The following SLC26A4 variants were observed in gnomAD, a reference collection of about 807,000 sequenced individuals.
SLC26A4 encodes solute carrier family 26 member 4.
SLC26A4 carries 93 observed loss-of-function variants against 90.4 expected under a neutral mutation model. The observed-to-expected ratio is 1.03, with a 90% confidence interval of 0.87 to 1.22. SLC26A4 has a LOEUF of 1.22. Among genes scored for constraint, SLC26A4 ranks in the 50% most tolerant of loss-of-function variants. The pLI, the probability that SLC26A4 is intolerant of heterozygous loss-of-function variation, is 0.00. For synonymous variants in SLC26A4, 393 were observed against 354.6 expected, an observed-to-expected ratio of 1.11 and a Z score of -1.22; for missense variants, 1,127 against 946.2, an observed-to-expected ratio of 1.19 and a Z score of -2.51.
Position 107,661,924 on chromosome 7 carries a change from G to GAGC in SLC26A4, c.164+119_164+120insAGC. 1 of 1,170,450 alleles carries GAGC rather than the reference G, an allele frequency of 8.5e-7. No homozygotes were observed. The highest frequency in any genetic ancestry group is 1.2e-6 in the Non-Finnish European group (1 of 852,882). The allele number at this position is 1,170,450 out of a possible 1,614,324, so 72.5% of individuals were successfully genotyped here. Reference sequence around the variant, plus strand: ...CGGGCGGCGGAGCCCCTGGGCGCCAGCTGCTTCTCCCAGAGGCCCGACTTT... The same window carrying GAGC: ...CGGGCGGCGGAGCCCCTGGGCGCCAGAGCCTGCTTCTCCCAGAGGCCCGACTTT... On this transcript the variant is annotated intron_variant, in intron 2 of 20. Coordinates refer to ENST00000644269, the MANE Select transcript of SLC26A4 (RefSeq NM_000441.2). This position sits in a 1 kb window ranked among gnomAD's most constrained non-coding sequence, Gnocchi z 5.1.
In SLC26A4 at chr7:107,698,119, C is replaced by A. The variant is rs370184422; in HGVS notation, c.1614+8C>A. 2 of 1,577,822 alleles carry A rather than the reference C, an allele frequency of 1.3e-6. No individual in the cohort carries two copies. The highest frequency in any genetic ancestry group is 1.1e-5 in the South Asian group (1 of 90,332). The stretch of plus-strand genomic sequence containing the variant: ...ACCAAGAATTACAAAAACGTAAGTA[C>A]CTTTGTGAGACATTTGCTGGACTTG... On this transcript the variant is annotated splice_region_variant and intron_variant, in intron 14 of 20. Transcript: ENST00000644269.
At chr7:107,671,007 T>C (rs183316981) in intron 3 of SLC26A4, among the ~76,000 whole-genome samples, 1 of 152,220 alleles carries the variant, frequency 6.6e-6, no homozygotes. Context: ...AATTATCATA[T>C]TTTTTCTTTG....
chr7:107,673,281 GA>G (rs968796859), intron 4 of SLC26A4, among the ~76,000 whole-genome samples: 28 of 150,526 alleles, frequency 1.9e-4, no homozygotes, highest in Middle Eastern at 3.4e-3. Context: ...AGCAATTGCT[GA>G]AAAAAAAATA....
intron 10 of SLC26A4, among the ~76,000 whole-genome samples, chr7:107,692,396 A>G (rs1426568995): frequency 6.6e-6 from 1 of 152,174 alleles, no homozygotes; most frequent in Non-Finnish European, 1.5e-5. Context: ...TTCAGCATCT[A>G]CAAAATGGAA....
At chr7:107,675,554 C>A (rs1360660590) in intron 6 of SLC26A4, among the ~76,000 whole-genome samples, 1 of 149,824 alleles carries the variant, frequency 6.7e-6, no homozygotes, top group Non-Finnish European at 1.5e-5. Context: ...CTGGGAGCAC[C>A]CACATTTCTT....
intron 17 of SLC26A4, among the ~76,000 whole-genome samples, chr7:107,703,677 G>A (rs1043610270): frequency 6.6e-6 from 1 of 152,200 alleles, no homozygotes; most frequent in Non-Finnish European, 1.5e-5. Context: ...TATAATGACA[G>A]TTATGATAGC....
chr7:107,699,785 T>C (rs1299465753), intron 14 of SLC26A4, among the ~76,000 whole-genome samples: 1 of 151,880 alleles, frequency 6.6e-6, no homozygotes, highest in Non-Finnish European at 1.5e-5. Flanking sequence ...AAAAATTAGC[T>C]GGGTGTGGTG....
Position 107,696,028 on chromosome 7 carries a change from G to A in SLC26A4, c.1533G>A (p.Leu511=), listed in dbSNP as rs745508336. 6.3e-7 allele frequency: 1 copy of A among 1,594,692 alleles called. No homozygotes were observed. Among genetic ancestry groups the A allele is most frequent in the Non-Finnish European group, 8.6e-7 (1 of 1,162,474 alleles). ...TATTTGGACTGTTGACTGTGGTCCTGAGAGTTCAGTTGTGAGTAACGTAAA... is the reference window on the plus strand; with the variant it reads ...TATTTGGACTGTTGACTGTGGTCCTAAGAGTTCAGTTGTGAGTAACGTAAA... The part of the protein sequence containing the change: ...GLIFGLLTVV[L]RVQFPSWNGL... Residue 511 remains leucine (L), a synonymous_variant, in exon 13 of 21, where the codon CTG becomes CTA. Coordinates refer to ENST00000644269, the MANE Select transcript of SLC26A4 (RefSeq NM_000441.2).
intron 14 of SLC26A4, 134 bp downstream of exon 14, chr7:107,698,245 A>C: frequency 1.4e-6 from 1 of 718,962 alleles, no homozygotes. Context: ...AGGGAGTGTC[A>C]TGAAAACTTT....
At chr7:107,662,312 G>A (rs533540331) in intron 2 of SLC26A4, among the ~76,000 whole-genome samples, 10 of 152,132 alleles carry the variant, frequency 6.6e-5, no homozygotes, top group African/African-American at 2.2e-4. Context: ...GGGACCCCTG[G>A]GGAAAGCCAC....
chr7:107,681,348 G>C (rs148972955), intron 6 of SLC26A4, among the ~76,000 whole-genome samples: 27 of 152,190 alleles, frequency 1.8e-4, no homozygotes, highest in African/African-American at 5.8e-4. Context: ...GTTCCAGAGA[G>C]CTGAGGTTGC....
chr7:107,703,797 A>G (rs796658984), intron 17 of SLC26A4, among the ~76,000 whole-genome samples: 38 of 152,272 alleles, frequency 2.5e-4, no homozygotes, highest in African/African-American at 8.9e-4. Context: ...TTGACTTTTT[A>G]AAATTAAATG....
At chr7:107,664,191 A>G (rs1253277460) in intron 3 of SLC26A4, among the ~76,000 whole-genome samples, 1 of 152,150 alleles carries the variant, frequency 6.6e-6, no homozygotes, top group Non-Finnish European at 1.5e-5. Flanking sequence ...AGCACATTAA[A>G]TTATTTTATA....
Position 107,696,027 on chromosome 7 carries a change from TGA to T in SLC26A4, c.1536_1537del (p.Arg512SerfsTer14), listed in dbSNP as rs1435734312. 5.0e-6 allele frequency: 8 copies of T among 1,596,372 alleles called. No homozygotes were observed. Among genetic ancestry groups the T allele is most frequent in the Non-Finnish European group, 6.9e-6 (8 of 1,164,010 alleles). ...ATATTTGGACTGTTGACTGTGGTCCTGAGAGTTCAGTTGTGAGTAACGTAAAA... is the reference window on the plus strand; with the variant it reads ...ATATTTGGACTGTTGACTGTGGTCCTGAGTTCAGTTGTGAGTAACGTAAAA... On this transcript the variant is annotated frameshift_variant, in exon 13 of 21. Coordinates refer to ENST00000644269, the MANE Select transcript of SLC26A4 (RefSeq NM_000441.2). LOFTEE classifies it high-confidence loss of function.
At chr7:107,702,370 A>T (rs914746698) in intron 17 of SLC26A4, among the ~76,000 whole-genome samples, 1 of 152,178 alleles carries the variant, frequency 6.6e-6, no homozygotes, top group African/African-American at 2.4e-5. Flanking sequence ...GGATTAAATA[A>T]GCTAATAGAT....
At chr7:107,675,236 T>C in intron 6 of SLC26A4, 127 bp downstream of exon 6, 2 of 763,610 alleles carry the variant, frequency 2.6e-6, no homozygotes, top group Non-Finnish European at 2.2e-6. Context: ...AAGGCCGAGG[T>C]GGGCAGATTG....
intron 3 of SLC26A4, among the ~76,000 whole-genome samples, chr7:107,665,738 T>A (rs752919610): frequency 6.6e-6 from 1 of 152,226 alleles, no homozygotes; most frequent in Non-Finnish European, 1.5e-5. Flanking sequence ...TCTCATTTAA[T>A]CCTCATAACA....
At chr7:107,673,638 A>G (rs1790933377) in intron 4 of SLC26A4, among the ~76,000 whole-genome samples, 1 of 152,180 alleles carries the variant, frequency 6.6e-6, no homozygotes, top group Non-Finnish European at 1.5e-5. Context: ...ATACTCACGA[A>G]GCATCCTGAA....
intron 16 of SLC26A4, 73 bp downstream of exon 16, chr7:107,701,269 T>C (rs1183391083): frequency 2.2e-6 from 2 of 913,012 alleles, no homozygotes; most frequent in East Asian, 2.4e-5. Context: ...GGGTCTAAAA[T>C]TAAATCTATC....
Sources: allele counts gnomAD v4.1 joint callset (sites outside exome capture counted in the v4.1 genomes callset), GRCh38; gene constraint gnomAD v4.1.1; non-coding constraint Gnocchi (gnomAD v3.1); transcripts MANE v1.5; gene names NCBI Gene and HGNC (gene_info 2026-07-23, HGNC 2026-07-21).